IGSF10: variants seen among roughly 807,000 people sequenced by gnomAD.
IGSF10 encodes the protein immunoglobulin superfamily member 10.
In IGSF10, 126 loss-of-function variants were observed where a neutral mutation model predicts 128.2. The observed-to-expected ratio is 0.98, with a 90% CI of 0.85 to 1.14. The LOEUF is 1.14. Among genes scored for constraint, IGSF10 ranks in the 50% most tolerant of loss-of-function variants. The probability of loss-of-function intolerance (pLI) is 0.00; values close to 1 mark genes in which losing one functional copy is unlikely to be tolerated. For synonymous variants in IGSF10, 1,185 were observed against 1,146.2 expected (o/e 1.03, Z -0.68); for missense variants, 3,295 against 3,149.8 (o/e 1.05, Z -1.10).
the IGSF10 span, among the ~76,000 whole-genome samples, chr3:151,608,672 C>T: frequency 1.6e-4 from 24 of 152,220 alleles, no homozygotes; most frequent in Non-Finnish European, 3.1e-4. Flanking sequence ...GTCCTTCAGT[C>T]CTTCTTTTAT....
chr3:151,534,801 A>ATGTGTGTG, the IGSF10 span, among the ~76,000 whole-genome samples: 954 of 149,158 alleles, frequency 6.4e-3, 5 homozygotes, highest in South Asian at 0.022. Context: ...TTTAAAGTGT[A>ATGTGTGTG]TGTGTGTGTG....
chr3:151,448,810 T>A lies in IGSF10; in HGVS notation c.1171A>T (p.Ser391Cys). 4 of 1,613,422 alleles carry A rather than the reference T, an allele frequency of 2.5e-6. No individual in the cohort carries two copies. The highest frequency in any genetic ancestry group is 2.5e-6 in the Non-Finnish European group (3 of 1,179,356). Residue 391 changes from serine (S) to cysteine (C), a missense_variant, in exon 6 of 8, where the codon AGC (serine) becomes TGC (cysteine). Physicochemically the swap from Ser to Cys is moderately radical, Grantham distance 112. Transcript: ENST00000282466. ...TGCGGTGTTTCACTAAGCAAGTGGC[T>A]CCTTTCTAGTATCAGAGGAGAATCA... is the stretch of plus-strand genomic sequence containing the variant. The part of the protein sequence containing the change: ...YSDSPLILER[S>C]HLLSETPQLY...
the IGSF10 span, among the ~76,000 whole-genome samples, chr3:151,585,802 G>A: frequency 2.0e-5 from 3 of 151,964 alleles, no homozygotes; most frequent in Admixed American, 1.3e-4. Context: ...TTGTGCCTTG[G>A]TGAACTTAAA....
chr3:151,433,177 G>GTT, downstream of IGSF10: 2 of 156,644 alleles, frequency 1.3e-5, no homozygotes, highest in Non-Finnish European at 2.7e-5. Context: ...TGATGACGTT[G>GTT]TTTTTTTTTT....
At chr3:151,614,595 G>C in the IGSF10 span, among the ~76,000 whole-genome samples, 5 of 151,712 alleles carry the variant, frequency 3.3e-5, no homozygotes, top group African/African-American at 1.2e-4. Context: ...ACCGCATGCT[G>C]TCACTCATAG....
the IGSF10 span, among the ~76,000 whole-genome samples, chr3:151,514,349 G>A: frequency 1.3e-5 from 2 of 152,116 alleles, no homozygotes; most frequent in Admixed American, 6.6e-5. Context: ...TGACAAACCT[G>A]AGAAAAACAA....
the IGSF10 span, among the ~76,000 whole-genome samples, chr3:151,509,998 C>A: frequency 9.8e-3 from 1,495 of 152,294 alleles, 19 homozygotes; most frequent in Middle Eastern, 0.058. Flanking sequence ...TGGGTGGAGC[C>A]CACCACAGCT....
rs748508221 is a variant in IGSF10, at chr3:151,448,186, C to T, written c.1795G>A (p.Gly599Ser). 6.2e-7 allele frequency: 1 copy of T among 1,614,134 alleles called. No homozygotes were observed. The highest frequency in any genetic ancestry group is 2.2e-5 in the East Asian group (1 of 44,890). Reference sequence around the variant, plus strand: ...CAGCTAATAGAGGCATCTGGGATACCAGTAGAATGGCATGGAAGATCAAGT... The same window carrying T: ...CAGCTAATAGAGGCATCTGGGATACTAGTAGAATGGCATGGAAGATCAAGT... ...ETLDLPCHSTGIPDASISWVI... is the reference protein window; with the variant it reads ...ETLDLPCHSTSIPDASISWVI... The change falls in exon 6 of 8, where the codon GGT (glycine) becomes AGT (serine). Residue 599 changes from glycine (G) to serine (S), a missense_variant. Transcript: ENST00000282466.
chr3:151,482,590 T>C, the IGSF10 span, among the ~76,000 whole-genome samples: 3 of 152,222 alleles, frequency 2.0e-5, no homozygotes, highest in African/African-American at 7.2e-5. Flanking sequence ...AGGGATTCCA[T>C]AGAAAGAAGA....
the IGSF10 span, among the ~76,000 whole-genome samples, chr3:151,600,354 C>G: frequency 3.3e-5 from 5 of 152,118 alleles, no homozygotes; most frequent in Admixed American, 2.6e-4. Context: ...CCAATTCTCT[C>G]CAGAGGCAAA....
chr3:151,446,261 A>T lies in IGSF10; in HGVS notation c.3720T>A (p.Pro1240=), dbSNP rs747774259. ...STAVMLPKTS[P]ALPRDKVSPF... is the part of the protein sequence containing the mutation. ...GGGAGACTTTGTCTCTGGGTAAAGC[A>T]GGAGATGTTTTAGGAAGCATCACAG... Residue 1240 remains proline (P), a synonymous_variant, in exon 6 of 8, where the codon CCT becomes CCA. Transcript: ENST00000282466. 1.2e-6 allele frequency: 2 copies of T among 1,614,036 alleles called. No homozygotes were observed. The highest frequency in any genetic ancestry group is 1.7e-6 in the Non-Finnish European group (2 of 1,179,880).
chr3:151,506,034 C>T, the IGSF10 span, among the ~76,000 whole-genome samples: 355 of 151,610 alleles, frequency 2.3e-3, 1 homozygote, highest in Non-Finnish European at 2.3e-3. Flanking sequence ...TCACTGCAAC[C>T]TCTGCCAACC....
At position 151,447,922 on chromosome 3, in the gene IGSF10, T is replaced by C. The variant is rs767446537; in HGVS notation, c.2059A>G (p.Ile687Val). Residue 687 changes from isoleucine to valine, a missense_variant, in exon 6 of 8, where the codon ATT becomes GTT. Ile to Val is a conservative substitution (Grantham distance 29). Coordinates refer to ENST00000282466, the MANE Select transcript of IGSF10 (RefSeq NM_178822.5). ...CCTGGTGGCTCCTTAAGATGAGCAA[T>C]AGGATTGGACTCATCAAGTCCAGAT... Reference protein sequence around the residue: ...EGSGLDESNPIAHLKEPPGAQ... With the variant: ...EGSGLDESNPVAHLKEPPGAQ... The C allele has an allele frequency of 1.2e-6, 2 of 1,614,098 alleles. No individual in the cohort carries two copies. The highest frequency in any genetic ancestry group is 4.5e-5 in the East Asian group (2 of 44,870).
chr3:151,584,593 A>G, the IGSF10 span, among the ~76,000 whole-genome samples: 1 of 152,198 alleles, frequency 6.6e-6, no homozygotes, highest in Non-Finnish European at 1.5e-5. Context: ...TTATCAAAGG[A>G]GTGCTTTAAG....
the IGSF10 span, among the ~76,000 whole-genome samples, chr3:151,498,279 C>A: frequency 6.6e-6 from 1 of 152,182 alleles, no homozygotes; most frequent in Non-Finnish European, 1.5e-5. Flanking sequence ...AGTTTTTACC[C>A]ATTCAAGTAT....
At chr3:151,595,964 C>CCA in the IGSF10 span, among the ~76,000 whole-genome samples, 5 of 151,538 alleles carry the variant, frequency 3.3e-5, no homozygotes, top group South Asian at 8.3e-4. Flanking sequence ...GGTGCTCTTA[C>CCA]CACACACACA....
At chr3:151,441,698 C>CA (rs910069168) in intron 7 of IGSF10, among the ~76,000 whole-genome samples, 55 of 149,218 alleles carry the variant, frequency 3.7e-4, no homozygotes, top group East Asian at 9.7e-4. Context: ...ATGCCACTTG[C>CA]AAAAAAAAAC....
chr3:151,547,494 G>T, the IGSF10 span, among the ~76,000 whole-genome samples: 3 of 151,310 alleles, frequency 2.0e-5, no homozygotes, highest in African/African-American at 7.3e-5. Flanking sequence ...AATTGTCTAG[G>T]TCTTCTCTCA....
At chr3:151,579,815 G>A in the IGSF10 span, among the ~76,000 whole-genome samples, 780 of 92,966 alleles carry the variant, frequency 8.4e-3, 8 homozygotes, top group African/African-American at 0.022. Flanking sequence ...TAAATATTAC[G>A]AAGGAAAGAA....
Sources: gnomAD v4.1 joint callset for allele counts (sites outside exome capture counted in the v4.1 genomes callset) on GRCh38, gnomAD v4.1.1 for gene constraint, MANE v1.5 for transcripts, NCBI Gene and HGNC (gene_info 2026-07-23, HGNC 2026-07-21) for gene names.